The following GABRA3 variants were observed in gnomAD, a reference collection of about 807,000 sequenced individuals.
GABRA3 encodes the protein gamma-aminobutyric acid receptor subunit alpha-3.
GABRA3 carries 10 observed loss-of-function variants against 30.1 expected under a neutral mutation model. That is an observed-to-expected ratio of 0.33 (90% confidence interval 0.20 to 0.56). GABRA3 has a LOEUF of 0.56. Ranked by LOEUF, GABRA3 falls within the 20% of genes least tolerant of loss-of-function variation. The pLI is 0.89. For synonymous variants in GABRA3, 151 were observed against 146.8 expected (o/e 1.03, Z -0.21); for missense variants, 233 against 392.0 (o/e 0.59, Z 3.42).
chrX:152,414,948 A>T (rs1008722432), intron 1 of GABRA3, among the ~76,000 whole-genome samples: 1 of 109,950 alleles, frequency 9.1e-6, no homozygotes, highest in Non-Finnish European at 1.9e-5. Context: ...TATAGTGCTA[A>T]TTATGACATT....
chrX:152,304,380 A>G (rs2124455442), intron 3 of GABRA3, among the ~76,000 whole-genome samples: 1 of 112,119 alleles, frequency 8.9e-6, no homozygotes, highest in African/African-American at 3.2e-5. Context: ...ACCATGGCTG[A>G]TGTTGAGAAG....
rs770663157 is a variant in GABRA3, at chrX:152,182,251, A to AT, written c.1143+7478dup. 1.9e-4 allele frequency among the ~76,000 whole-genome samples: 20 copies of AT among 103,738 alleles called. No homozygotes were observed. In the East Asian group the frequency reaches 5.8e-3, roughly 30 times the overall value. 90.1% of individuals were successfully genotyped at this position (103,738 alleles called of 115,157 possible). A position where few individuals can be genotyped will look rare whatever the true frequency, so the allele number is the denominator to read the frequency against. ...TAAATCCCACTTGGTCAAGATGAGT[A>AT]TTTTTTTTAAGTTTATGATTTAACC... On this transcript the variant is annotated intron_variant, in intron 9 of 9. Transcript: ENST00000370314.
chrX:152,363,336 C>T (rs1030931132), intron 2 of GABRA3, among the ~76,000 whole-genome samples: 1 of 111,829 alleles, frequency 8.9e-6, no homozygotes, highest in African/African-American at 3.2e-5. Flanking sequence ...TAATACTATT[C>T]TCGGATCCCT....
At chrX:152,392,539 C>G (rs2004609947) in intron 1 of GABRA3, among the ~76,000 whole-genome samples, 1 of 111,628 alleles carries the variant, frequency 9.0e-6, no homozygotes, top group Admixed American at 9.5e-5. Context: ...GGAAAATTAG[C>G]CAGGGCTCAC....
chrX:152,234,144 T>C (rs898010353), intron 5 of GABRA3, among the ~76,000 whole-genome samples: 133 of 108,181 alleles, frequency 1.2e-3, no homozygotes, highest in Non-Finnish European at 2.2e-3. Context: ...CATGTATACA[T>C]GTGTAACTAA....
intron 5 of GABRA3, among the ~76,000 whole-genome samples, chrX:152,237,572 T>C (rs1183165140): frequency 2.8e-5 from 3 of 105,311 alleles, no homozygotes; most frequent in African/African-American, 1.1e-4. Flanking sequence ...ATTGAATCTG[T>C]AAATTACCTT....
intron 3 of GABRA3, among the ~76,000 whole-genome samples, chrX:152,311,309 C>A (rs1603239269): frequency 9.0e-6 from 1 of 111,675 alleles, no homozygotes; most frequent in Admixed American, 9.5e-5. Context: ...AAATCCTTAA[C>A]AAAATACTAG....
chrX:152,340,271 T>A (rs1351076386), intron 3 of GABRA3, among the ~76,000 whole-genome samples: 2 of 112,527 alleles, frequency 1.8e-5, no homozygotes, highest in East Asian at 5.6e-4. Context: ...TTCAATGGCA[T>A]ATTTCCACTT....
At chrX:152,270,809 C>T (rs185299206) in intron 4 of GABRA3, among the ~76,000 whole-genome samples, 12 of 106,625 alleles carry the variant, frequency 1.1e-4, no homozygotes, top group Admixed American at 8.1e-4. Flanking sequence ...GAGCCAAGAA[C>T]GCATCACTAC....
intron 3 of GABRA3, among the ~76,000 whole-genome samples, chrX:152,314,907 A>G (rs1485631708): frequency 8.9e-6 from 1 of 111,850 alleles, no homozygotes; most frequent in Non-Finnish European, 1.9e-5. Context: ...TAACCTCTAC[A>G]TTAAGTACAA....
At chrX:152,450,056 C>G (rs746034219) in intron 1 of GABRA3, among the ~76,000 whole-genome samples, 1 of 111,280 alleles carries the variant, frequency 9.0e-6, no homozygotes, top group South Asian at 3.8e-4. Flanking sequence ...TTAGAAAGCT[C>G]CCATCAAACA....
intron 6 of GABRA3, among the ~76,000 whole-genome samples, chrX:152,224,456 C>A (rs769818017): frequency 1.8e-5 from 2 of 111,984 alleles, no homozygotes; most frequent in South Asian, 7.4e-4. Context: ...TATATCACTT[C>A]TGTCTTGCTC....
At chrX:152,366,258 T>C (rs1394277798) in intron 1 of GABRA3, among the ~76,000 whole-genome samples, 3 of 111,933 alleles carry the variant, frequency 2.7e-5, no homozygotes, top group Non-Finnish European at 3.8e-5. Flanking sequence ...TCACGATACA[T>C]GAATTGACAA....
At chrX:152,235,148 G>A (rs894957751) in intron 5 of GABRA3, among the ~76,000 whole-genome samples, 3 of 110,974 alleles carry the variant, frequency 2.7e-5, no homozygotes, top group African/African-American at 9.8e-5. Context: ...TACTTTCATC[G>A]GTGTTTTGTA....
At chrX:152,285,338 A>G (rs1939273606) in intron 3 of GABRA3, among the ~76,000 whole-genome samples, 1 of 112,151 alleles carries the variant, frequency 8.9e-6, no homozygotes, top group Admixed American at 9.5e-5. Context: ...TGGATCCACA[A>G]TAGACTTTGC....
chrX:152,256,557 G>A (rs1321701743), intron 4 of GABRA3, among the ~76,000 whole-genome samples: 1 of 110,577 alleles, frequency 9.0e-6, no homozygotes, highest in Non-Finnish European at 1.9e-5. Context: ...GATAAAAATG[G>A]GTAAATGAAC....
intron 1 of GABRA3, among the ~76,000 whole-genome samples, chrX:152,368,639 C>T (rs1014991979): frequency 1.7e-4 from 19 of 109,742 alleles, no homozygotes; most frequent in Admixed American, 1.4e-3. Flanking sequence ...ATTTAATATC[C>T]TTTGGATATA....
chrX:152,315,797 A>T (rs1477259959), intron 3 of GABRA3, among the ~76,000 whole-genome samples: 1 of 109,982 alleles, frequency 9.1e-6, no homozygotes, highest in Non-Finnish European at 1.9e-5. Context: ...ACATGACTCC[A>T]TTGACGTGGG....
chrX:152,329,061 CAG>C (rs1433174196), intron 3 of GABRA3, among the ~76,000 whole-genome samples: 1 of 111,715 alleles, frequency 9.0e-6, no homozygotes, highest in Non-Finnish European at 1.9e-5. Flanking sequence ...CAATAACGGA[CAG>C]AGAGCCACAT....
Sources: allele counts gnomAD v4.1 joint callset (sites outside exome capture counted in the v4.1 genomes callset), GRCh38; gene constraint gnomAD v4.1.1; transcripts MANE v1.5; gene names NCBI Gene and HGNC (gene_info 2026-07-23, HGNC 2026-07-21).